The following USP44 variants were observed in gnomAD, a reference collection of about 807,000 sequenced individuals.
USP44 encodes the protein ubiquitin carboxyl-terminal hydrolase 44.
Under a neutral mutation model 69.0 loss-of-function variants are expected in USP44, and 61 were observed. The observed-to-expected ratio is 0.88, with a 90% CI of 0.72 to 1.09. The LOEUF (loss-of-function observed/expected upper bound fraction) is 1.09. Ranked by LOEUF, USP44 falls within the 50% of genes least tolerant of loss-of-function variation. The pLI, the probability that USP44 is intolerant of heterozygous loss-of-function variation, is 0.00. For missense variants in USP44, 753 were observed against 849.9 expected (o/e 0.89, Z 1.42); for synonymous variants, 297 against 295.4 (o/e 1.01, Z -0.06).
chr12:95,520,203 GGA>G (rs2076614720), intron 5 of USP44, among the ~76,000 whole-genome samples: 1 of 151,564 alleles, frequency 6.6e-6, no homozygotes, highest in Admixed American at 6.6e-5. Context: ...TATCAAAAGG[GGA>G]AGTAAGGCTG....
intron 2 of USP44, among the ~76,000 whole-genome samples, chr12:95,529,825 A>G (rs920358479): frequency 5.9e-5 from 9 of 151,920 alleles, no homozygotes; most frequent in Non-Finnish European, 1.3e-4. Flanking sequence ...TCTTTTCATT[A>G]TGCAGATTTT....
chr12:95,537,383 A>G (rs887500291), intron 1 of USP44, among the ~76,000 whole-genome samples: 35 of 152,124 alleles, frequency 2.3e-4, no homozygotes, highest in African/African-American at 6.8e-4. Flanking sequence ...CAGGGGTGCT[A>G]TCTTAGCTCA....
intron 5 of USP44, 88 bp downstream of exon 5, chr12:95,520,909 G>A (rs1013135472): frequency 1.1e-5 from 13 of 1,233,196 alleles, no homozygotes; most frequent in Non-Finnish European, 1.5e-5. Flanking sequence ...CTTTGTTTAT[G>A]ATTTAGTAGT....
intron 3 of USP44, among the ~76,000 whole-genome samples, chr12:95,525,343 T>C (rs1260142272): frequency 6.6e-6 from 1 of 152,238 alleles, no homozygotes; most frequent in Non-Finnish European, 1.5e-5. Context: ...GTGCTGGGAT[T>C]ACAGGCATGA....
chr12:95,522,623 C>T (rs957115135), intron 4 of USP44, among the ~76,000 whole-genome samples: 6 of 151,852 alleles, frequency 4.0e-5, no homozygotes, highest in Admixed American at 6.6e-5. Flanking sequence ...ACTAAAAATA[C>T]AAAAATTAGC....
At chr12:95,530,980 T>C (rs755739956) in intron 2 of USP44, among the ~76,000 whole-genome samples, 1 of 152,056 alleles carries the variant, frequency 6.6e-6, no homozygotes, top group Non-Finnish European at 1.5e-5. Flanking sequence ...CTGGCTAACA[T>C]GGTGAAACCC....
chr12:95,540,954 C>G (rs750309877), intron 1 of USP44, among the ~76,000 whole-genome samples: 2 of 152,154 alleles, frequency 1.3e-5, no homozygotes, highest in Non-Finnish European at 2.9e-5. Flanking sequence ...AAAAATTCCC[C>G]CTGATCTCAC....
chr12:95,541,843 A>T (rs1488470333), intron 1 of USP44, among the ~76,000 whole-genome samples: 1 of 151,288 alleles, frequency 6.6e-6, no homozygotes, highest in Non-Finnish European at 1.5e-5. Context: ...TCCTTCATAA[A>T]ATCTTTTTAG....
chr12:95,543,406 CAAAAAAAAA>C (rs60127958), intron 1 of USP44, among the ~76,000 whole-genome samples: 1 of 43,164 alleles, frequency 2.3e-5, no homozygotes, highest in Non-Finnish European at 4.7e-5. Flanking sequence ...GACTCTTTCT[CAAAAAAAAA>C]AAAAAAAAAA....
chr12:95,534,999 G>A (rs1434117478), intron 1 of USP44, among the ~76,000 whole-genome samples: 1 of 152,030 alleles, frequency 6.6e-6, no homozygotes, highest in East Asian at 1.9e-4. Context: ...TAATGACAGG[G>A]GTTGGCAAGA....
chr12:95,543,042 C>T (rs1235391190), intron 1 of USP44, among the ~76,000 whole-genome samples: 55 of 144,974 alleles, frequency 3.8e-4, no homozygotes, highest in African/African-American at 1.4e-3. Context: ...AAGCCTAGAT[C>T]GCACCACTGC....
At chr12:95,534,878 G>A (rs12369644) in intron 1 of USP44, among the ~76,000 whole-genome samples, 11,814 of 152,036 alleles carry the variant, frequency 0.078, 646 homozygotes, top group Non-Finnish European at 0.12. Flanking sequence ...ACAAGGTTTC[G>A]TCATGTTGCC....
At chr12:95,518,375 C>A (rs1435046406) in intron 5 of USP44, 22 bp from the exon 6 acceptor site, 2 of 1,610,120 alleles carry the variant, frequency 1.2e-6, no homozygotes, top group Non-Finnish European at 1.7e-6. Context: ...CACAGAAATA[C>A]ATTTATGAAG....
chr12:95,519,431 TA>T (rs1157382239), intron 5 of USP44, among the ~76,000 whole-genome samples: 1,466 of 112,886 alleles, frequency 0.013, 64 homozygotes, highest in African/African-American at 0.046. Flanking sequence ...ACTCAATCTG[TA>T]TTTTTTTTTT....
At chr12:95,538,616 G>A (rs779815138) in intron 1 of USP44, among the ~76,000 whole-genome samples, 3 of 152,090 alleles carry the variant, frequency 2.0e-5, no homozygotes, top group Non-Finnish European at 2.9e-5. Flanking sequence ...GACGGATCAC[G>A]AGATTAATAT....
At chr12:95,538,289 G>T (rs2077270997) in intron 1 of USP44, among the ~76,000 whole-genome samples, 1 of 152,164 alleles carries the variant, frequency 6.6e-6, no homozygotes, top group Non-Finnish European at 1.5e-5. Flanking sequence ...CAATAGGGTT[G>T]TTGAGGGAAT....
intron 2 of USP44, among the ~76,000 whole-genome samples, chr12:95,529,659 G>A (rs1480904403): frequency 1.3e-5 from 2 of 152,090 alleles, no homozygotes; most frequent in African/African-American, 2.4e-5. Context: ...GACTTTAGGC[G>A]ATCCGCCCAC....
At chr12:95,541,597 A>C (rs2077392180) in intron 1 of USP44, among the ~76,000 whole-genome samples, 1 of 152,124 alleles carries the variant, frequency 6.6e-6, no homozygotes, top group African/African-American at 2.4e-5. Context: ...CAAAACAAAA[A>C]AAAGTATGCT....
chr12:95,550,183 G>GAAAAAAAAAAAAAAAAAAAAAAAAAAAA (rs570350053), intron 1 of USP44, among the ~76,000 whole-genome samples: 1 of 93,354 alleles, frequency 1.1e-5, no homozygotes. Flanking sequence ...CTCCGTCTCA[G>GAAAAAAAAAAAAAAAAAAAAAAAAAAAA]AAAAAAAAAA....
Sources: gnomAD v4.1 joint callset for allele counts (sites outside exome capture counted in the v4.1 genomes callset) on GRCh38, gnomAD v4.1.1 for gene constraint, MANE v1.5 for transcripts, NCBI Gene and HGNC (gene_info 2026-07-23, HGNC 2026-07-21) for gene names.